ZPBP: variants seen among roughly 807,000 people sequenced by gnomAD.
ZPBP encodes the protein zona pellucida binding protein, also known as zona pellucida-binding protein 1.
A neutral mutation model predicts 44.8 loss-of-function variants in ZPBP; 26 were observed. The ratio of observed to expected loss-of-function variants is 0.58; its 90% CI spans 0.43 to 0.81. The LOEUF (loss-of-function observed/expected upper bound fraction) is 0.81, where lower values mean the gene tolerates loss of function less well. ZPBP is among the 30% of genes least tolerant of loss of function. ZPBP has a pLI of 0.00. For missense variants in ZPBP, 409 were observed against 434.0 expected, an observed-to-expected ratio of 0.94 and a Z score of 0.51; for synonymous variants, 174 against 153.2, an observed-to-expected ratio of 1.14 and a Z score of -1.00.
chr7:50,023,586 C>T (rs917767711), intron 5 of ZPBP, among the ~76,000 whole-genome samples: 4 of 152,080 alleles, frequency 2.6e-5, no homozygotes, highest in African/African-American at 9.7e-5. Flanking sequence ...CAGCTTTCCA[C>T]ACACATACAC....
At chr7:50,039,418 T>G (rs571814319) in intron 4 of ZPBP, among the ~76,000 whole-genome samples, 1 of 152,240 alleles carries the variant, frequency 6.6e-6, no homozygotes, top group South Asian at 2.1e-4. Flanking sequence ...AATCTGAATC[T>G]ACATGCAAAA....
chr7:49,912,435 A>T, intron 1 of ZPBP: 1 of 394,728 alleles, frequency 2.5e-6, no homozygotes, highest in Non-Finnish European at 4.6e-6. Context: ...GTAAGTACAC[A>T]AAAGTACACT....
chr7:49,891,324 G>A (rs1792119133), intron 2 of ZPBP, among the ~76,000 whole-genome samples: 2 of 152,138 alleles, frequency 1.3e-5, no homozygotes, highest in South Asian at 4.1e-4. Context: ...TAATAGCATA[G>A]CTTTAAAGTA....
At chr7:49,931,215 C>T (rs984153113) in intron 1 of ZPBP, among the ~76,000 whole-genome samples, 4 of 152,160 alleles carry the variant, frequency 2.6e-5, no homozygotes, top group Non-Finnish European at 5.9e-5. Context: ...CAGACTAATA[C>T]AGTACATTGG....
At chr7:49,940,859 G>A in intron 7 of ZPBP, 2 of 909,216 alleles carry the variant, frequency 2.2e-6, no homozygotes, top group Non-Finnish European at 2.6e-6. Context: ...TGCAGTTCCT[G>A]AAAACCACAA....
At chr7:49,962,138 C>A (rs1795885693) in intron 7 of ZPBP, among the ~76,000 whole-genome samples, 1 of 151,838 alleles carries the variant, frequency 6.6e-6, no homozygotes, top group Non-Finnish European at 1.5e-5. Context: ...GAAAGAACTG[C>A]AACTCATTTC....
rs543173941 is a variant in ZPBP at position 50,070,488 on chromosome 7, G to A, written c.334+11286C>T. 6.6e-5 allele frequency among the ~76,000 whole-genome samples: 10 copies of A among 152,314 alleles called. 1 individual carries two copies. In the South Asian group the frequency reaches 1.0e-3, roughly 16 times the overall value. Reference sequence around the variant, plus strand: ...TCCGGGTGAAGCTCTCCCGTGGTGCGCCTTGGATGCTGGGTCTCACCCAGC... The same window carrying A: ...TCCGGGTGAAGCTCTCCCGTGGTGCACCTTGGATGCTGGGTCTCACCCAGC... On this transcript the variant is annotated intron_variant, in intron 3 of 7. Transcript: ENST00000046087.
intron 6 of ZPBP, among the ~76,000 whole-genome samples, chr7:49,996,491 C>T (rs1473578688): frequency 6.6e-6 from 1 of 152,192 alleles, no homozygotes; most frequent in Non-Finnish European, 1.5e-5. Context: ...CTGATTATTT[C>T]CTTTTCCCCA....
intron 7 of ZPBP, among the ~76,000 whole-genome samples, chr7:49,938,822 T>A (rs566207426): frequency 9.2e-5 from 14 of 152,344 alleles, no homozygotes; most frequent in African/African-American, 3.1e-4. Flanking sequence ...TCTAGCATCA[T>A]GATTCAATGA....
At chr7:49,947,274 G>A (rs899807865) in intron 7 of ZPBP, among the ~76,000 whole-genome samples, 27 of 152,080 alleles carry the variant, frequency 1.8e-4, no homozygotes, top group Admixed American at 1.3e-4. Context: ...TGATGTCTTG[G>A]CATTGAAGAG....
At chr7:50,041,904 T>C (rs1442888767) in intron 4 of ZPBP, among the ~76,000 whole-genome samples, 1 of 152,080 alleles carries the variant, frequency 6.6e-6, no homozygotes, top group Non-Finnish European at 1.5e-5. Context: ...TGTAATCAGA[T>C]GCAAGGAAGC....
At chr7:50,030,235 G>A (rs1799542342) in intron 5 of ZPBP, among the ~76,000 whole-genome samples, 1 of 151,994 alleles carries the variant, frequency 6.6e-6, no homozygotes, top group Non-Finnish European at 1.5e-5. Flanking sequence ...GGAGAGAGAG[G>A]GAAGGACAGG....
At chr7:49,926,010 C>T (rs73338015) in intron 1 of ZPBP, among the ~76,000 whole-genome samples, 4,374 of 152,282 alleles carry the variant, frequency 0.029, 234 homozygotes, top group African/African-American at 0.1. Flanking sequence ...GGACTCAGTC[C>T]TGAATGGACT....
intron 2 of ZPBP, among the ~76,000 whole-genome samples, chr7:49,866,933 G>A (rs2128721997): frequency 6.6e-6 from 1 of 152,352 alleles, no homozygotes; most frequent in South Asian, 2.1e-4. Flanking sequence ...TTCTTCTGAG[G>A]ACACACAGAC....
At chr7:49,966,064 G>C (rs552156223) in intron 7 of ZPBP, among the ~76,000 whole-genome samples, 1 of 152,030 alleles carries the variant, frequency 6.6e-6, no homozygotes, top group South Asian at 2.1e-4. Context: ...ATTTAACCAG[G>C]AGCATATAAC....
chr7:50,081,121 T>C (rs1428885051), intron 3 of ZPBP, among the ~76,000 whole-genome samples: 2 of 151,900 alleles, frequency 1.3e-5, no homozygotes, highest in East Asian at 1.9e-4. Flanking sequence ...TTTGTATAAA[T>C]ATATTGCTCT....
intron 1 of ZPBP, among the ~76,000 whole-genome samples, chr7:49,928,827 T>C (rs1794346226): frequency 6.6e-6 from 1 of 152,198 alleles, no homozygotes; most frequent in Non-Finnish European, 1.5e-5. Flanking sequence ...GATTACATAG[T>C]AACTTGTTGG....
intron 2 of ZPBP, among the ~76,000 whole-genome samples, chr7:49,877,017 G>A (rs961967846): frequency 4.6e-5 from 7 of 152,172 alleles, no homozygotes; most frequent in Middle Eastern, 6.8e-3. Context: ...TGGGGTGCAG[G>A]GCACTCTACT....
intron 2 of ZPBP, among the ~76,000 whole-genome samples, chr7:49,885,926 G>T (rs1791885130): frequency 6.6e-6 from 1 of 152,238 alleles, no homozygotes; most frequent in South Asian, 2.1e-4. Context: ...CGTGATTCTG[G>T]GGCTGTGCAG....
Sources: gnomAD v4.1 joint callset for allele counts (sites outside exome capture counted in the v4.1 genomes callset) on GRCh38, gnomAD v4.1.1 for gene constraint, MANE v1.5 for transcripts, NCBI Gene and HGNC (gene_info 2026-07-23, HGNC 2026-07-21) for gene names.